MYZAP: variants seen among roughly 807,000 people sequenced by gnomAD.
MYZAP encodes the protein GRINL1A complex locus upstream.
In MYZAP, 66 loss-of-function variants were observed where a neutral mutation model predicts 69.4. That is an observed-to-expected ratio of 0.95 (90% CI 0.78 to 1.17). The LOEUF (loss-of-function observed/expected upper bound fraction) is 1.17, where lower values mean the gene tolerates loss of function less well. Among genes scored for constraint, MYZAP ranks in the 50% most tolerant of loss-of-function variants. The pLI is 0.00. For synonymous variants in MYZAP, 256 were observed against 205.9 expected, an observed-to-expected ratio of 1.24 and a Z score of -2.09; for missense variants, 611 against 556.2, an observed-to-expected ratio of 1.10 and a Z score of -0.99.
At chr15:57,637,538 G>C (rs2036885602) in intron 8 of MYZAP, among the ~76,000 whole-genome samples, 157 bp from the exon 9 acceptor site, 1 of 152,270 alleles carries the variant, frequency 6.6e-6, no homozygotes, top group Non-Finnish European at 1.5e-5. Context: ...CAACAGACTT[G>C]GCAGTTTTGA....
intron 1 of MYZAP, among the ~76,000 whole-genome samples, chr15:57,603,725 A>G (rs2034562085): frequency 6.6e-6 from 1 of 152,194 alleles, no homozygotes. Context: ...TTGTTTATCC[A>G]TTCATCTGTC....
intron 12 of MYZAP, among the ~76,000 whole-genome samples, chr15:57,680,515 A>ACACACACACG (rs796592403): frequency 0.02 from 3,011 of 150,082 alleles, 193 homozygotes; most frequent in African/African-American, 0.071. Context: ...ACACACACAC[A>ACACACACACG]CAAATGTATG....
chr15:57,653,368 T>C (rs1439698460), intron 10 of MYZAP, among the ~76,000 whole-genome samples: 2 of 152,226 alleles, frequency 1.3e-5, no homozygotes, highest in Admixed American at 1.3e-4. Flanking sequence ...AATGGTGAAC[T>C]GACTAGGTCA....
intron 11 of MYZAP, among the ~76,000 whole-genome samples, chr15:57,671,682 T>TA (rs1259985560): frequency 6.6e-5 from 10 of 151,910 alleles, no homozygotes; most frequent in Admixed American, 3.3e-4. Context: ...TAGTGACTTT[T>TA]AAAAAAAAAT....
chr15:57,644,715 C>G (rs980824666), intron 10 of MYZAP, among the ~76,000 whole-genome samples: 8 of 152,212 alleles, frequency 5.3e-5, no homozygotes, highest in Non-Finnish European at 1.2e-4. Context: ...ATCTTCCCAT[C>G]TTGGCCTCTC....
intron 10 of MYZAP, among the ~76,000 whole-genome samples, chr15:57,655,839 T>C (rs1282758328): frequency 6.6e-6 from 1 of 152,222 alleles, no homozygotes; most frequent in Admixed American, 6.5e-5. Flanking sequence ...AGTGTATTTT[T>C]CCCCTTGTTC....
At chr15:57,673,452 A>T (rs72745546) in intron 11 of MYZAP, among the ~76,000 whole-genome samples, 23,413 of 118,836 alleles carry the variant, frequency 0.2, 2,374 homozygotes, top group Non-Finnish European at 0.26. Flanking sequence ...ACGTGTGCGC[A>T]TGCGTGCATG....
intron 10 of MYZAP, among the ~76,000 whole-genome samples, chr15:57,653,887 C>A (rs1232933489): frequency 1.3e-5 from 2 of 151,014 alleles, no homozygotes; most frequent in Non-Finnish European, 2.9e-5. Flanking sequence ...CACCTGTAAT[C>A]CTAGCTACTT....
At chr15:57,677,104 T>C (rs1019860317) in intron 12 of MYZAP, among the ~76,000 whole-genome samples, 5 of 152,182 alleles carry the variant, frequency 3.3e-5, no homozygotes, top group African/African-American at 1.2e-4. Flanking sequence ...AATCTTTCGG[T>C]AACTCAGGGC....
intron 2 of MYZAP, among the ~76,000 whole-genome samples, chr15:57,605,932 A>T (rs148076562): frequency 6.6e-6 from 1 of 151,840 alleles, no homozygotes; most frequent in African/African-American, 2.4e-5. Flanking sequence ...CACATCGAAT[A>T]TTAAAAAAAA....
At chr15:57,613,173 C>G (rs1051997998) in intron 2 of MYZAP, among the ~76,000 whole-genome samples, 1 of 152,086 alleles carries the variant, frequency 6.6e-6, no homozygotes, top group Non-Finnish European at 1.5e-5. Flanking sequence ...ACCTTGTGAT[C>G]CACCTGCCTC....
chr15:57,655,826 G>T (rs1044406243), intron 10 of MYZAP, among the ~76,000 whole-genome samples: 2 of 152,224 alleles, frequency 1.3e-5, no homozygotes, highest in Admixed American at 1.3e-4. Context: ...CAGATTTTAT[G>T]AAAGTGTATT....
intron 11 of MYZAP, among the ~76,000 whole-genome samples, chr15:57,673,519 A>C (rs906045138): frequency 1.3e-5 from 1 of 75,076 alleles, no homozygotes. Context: ...TGTGTGTGTG[A>C]ATGCTGATGA....
intron 10 of MYZAP, among the ~76,000 whole-genome samples, chr15:57,656,393 A>G (rs898315928): frequency 1.3e-5 from 2 of 152,238 alleles, no homozygotes; most frequent in Non-Finnish European, 2.9e-5. Context: ...ATCATATAAT[A>G]ATAGCTACCT....
chr15:57,627,349 C>G (rs114373947), intron 5 of MYZAP, among the ~76,000 whole-genome samples: 16,125 of 125,744 alleles, frequency 0.13, 1,105 homozygotes, highest in African/African-American at 0.2. Context: ...CTGAGAGAAA[C>G]AGAAAGAGAG....
intron 11 of MYZAP, among the ~76,000 whole-genome samples, chr15:57,663,284 C>T (rs553230672): frequency 2.0e-5 from 3 of 150,302 alleles, no homozygotes; most frequent in South Asian, 2.1e-4. Context: ...GGGAATATTG[C>T]ACATGGGGAG....
chr15:57,654,997 G>A (rs1426143321), intron 10 of MYZAP, among the ~76,000 whole-genome samples: 8 of 152,046 alleles, frequency 5.3e-5, no homozygotes, highest in African/African-American at 1.9e-4. Context: ...GATAATTGAT[G>A]CACTAAACAC....
At chr15:57,610,624 A>G (rs2035044784) in intron 2 of MYZAP, among the ~76,000 whole-genome samples, 1 of 152,178 alleles carries the variant, frequency 6.6e-6, no homozygotes, top group Admixed American at 6.5e-5. Flanking sequence ...GCAAATAGAA[A>G]TGTTAGTCTA....
intron 12 of MYZAP, among the ~76,000 whole-genome samples, chr15:57,683,683 C>G (rs543544813): frequency 6.6e-6 from 1 of 152,090 alleles, no homozygotes; most frequent in Non-Finnish European, 1.5e-5. Flanking sequence ...TGTCTAAGAC[C>G]AAGGTGCCAG....
Sources: allele counts gnomAD v4.1 joint callset (sites outside exome capture counted in the v4.1 genomes callset), GRCh38; gene constraint gnomAD v4.1.1; transcripts MANE v1.5; gene names NCBI Gene and HGNC (gene_info 2026-07-23, HGNC 2026-07-21).